Variants in HCRTR2 observed in about 807,000 individuals in gnomAD.
HCRTR2 encodes orexin receptor type 2.
Under a neutral mutation model 49.0 loss-of-function variants are expected in HCRTR2, and 22 were observed. That is an observed-to-expected ratio of 0.45 (90% CI 0.32 to 0.64). The LOEUF (loss-of-function observed/expected upper bound fraction) is 0.64. HCRTR2 is among the 30% of genes least tolerant of loss of function. HCRTR2 has a pLI of 0.04. For missense variants in HCRTR2, 491 were observed against 559.4 expected, an observed-to-expected ratio of 0.88 and a Z score of 1.23; for synonymous variants, 236 against 205.3, an observed-to-expected ratio of 1.15 and a Z score of -1.28.
chr6:55,245,469 TTATATATATATATA>T (rs745939954), intron 1 of HCRTR2, among the ~76,000 whole-genome samples: 2,043 of 56,794 alleles, frequency 0.036, 132 homozygotes, highest in African/African-American at 0.11. Context: ...TAGGAAGATT[TTATATATATATATA>T]TATATATATA....
intron 1 of HCRTR2, among the ~76,000 whole-genome samples, chr6:55,190,653 A>G (rs567542902): frequency 2.0e-5 from 3 of 152,242 alleles, no homozygotes; most frequent in Admixed American, 6.5e-5. Flanking sequence ...GTGATTATAC[A>G]TAAATTCTTT....
chr6:55,245,398 TACAC>T lies in HCRTR2; in HGVS notation c.224-3229_224-3226del, dbSNP rs549987888. Among the ~76,000 whole-genome samples the T allele has an allele frequency of 5.7e-5, 8 of 140,728 alleles. No individual in the cohort carries two copies. The East Asian group carries it at 1.5e-3, about 26-fold the overall frequency. The allele number at this position is 140,728 out of a possible 152,430, so 92.3% of individuals were successfully genotyped here. On this transcript the variant is annotated intron_variant, in intron 1 of 6. Transcript: ENST00000370862. ...ATATATATATATATGTATATATATA[TACAC>T]ACACACACACATAGGAATACATACA...
intron 1 of HCRTR2, among the ~76,000 whole-genome samples, chr6:55,121,381 T>C (rs578182910): frequency 5.3e-5 from 8 of 152,218 alleles, no homozygotes; most frequent in East Asian, 1.9e-4. Flanking sequence ...TGGGCTGAGA[T>C]GATGGGATTT....
chr6:55,245,468 T>A (rs1379359674), intron 1 of HCRTR2, among the ~76,000 whole-genome samples: 3 of 59,412 alleles, frequency 5.0e-5, no homozygotes, highest in African/African-American at 2.5e-4. Flanking sequence ...ATAGGAAGAT[T>A]TTATATATAT....
At chr6:55,142,850 G>A (rs1038698830) in intron 1 of HCRTR2, among the ~76,000 whole-genome samples, 23 of 23,812 alleles carry the variant, frequency 9.7e-4, no homozygotes, top group Non-Finnish European at 1.2e-3. Context: ...ATTAAAAGTG[G>A]TCAACAGAAA....
Position 55,139,624 on chromosome 6 carries a change from G to A in HCRTR2, c.-378+33079G>A, listed in dbSNP as rs74771516. Among the ~76,000 whole-genome samples, 391 of 152,254 alleles carry A rather than the reference G, an allele frequency of 2.6e-3. 2 individuals are homozygous for A. Among genetic ancestry groups the A allele is most frequent in the African/African-American group, 9.2e-3 (382 of 41,538 alleles). The stretch of plus-strand genomic sequence containing the variant: ...ATGCTCCCTTCCATATGCAATGGTG[G>A]CAAGATCAAAGGAGGTAATGTGTAA... On this transcript the variant is annotated intron_variant, in intron 1 of 7. Coordinates refer to the HCRTR2 transcript ENST00000615358.
At chr6:55,193,111 C>T (rs1389151675) in intron 1 of HCRTR2, among the ~76,000 whole-genome samples, 1 of 152,094 alleles carries the variant, frequency 6.6e-6, no homozygotes, top group East Asian at 1.9e-4. Context: ...TCATTCATTC[C>T]TTCATCAAAC....
chr6:55,227,328 T>A (rs942431132), intron 1 of HCRTR2, among the ~76,000 whole-genome samples: 1 of 152,216 alleles, frequency 6.6e-6, no homozygotes, highest in African/African-American at 2.4e-5. Flanking sequence ...AGTTTTAGAT[T>A]ATTTAAGTAG....
At chr6:55,113,543 T>C (rs1764078400) in intron 1 of HCRTR2, among the ~76,000 whole-genome samples, 1 of 152,056 alleles carries the variant, frequency 6.6e-6, no homozygotes, top group Admixed American at 6.6e-5. Context: ...TCAACATCAC[T>C]AATTATCAGG....
intron 4 of HCRTR2, among the ~76,000 whole-genome samples, chr6:55,274,313 A>T (rs563901196): frequency 1.4e-5 from 2 of 148,032 alleles, no homozygotes; most frequent in Admixed American, 6.8e-5. Flanking sequence ...TTATATATAT[A>T]TTTTATGAAA....
intron 1 of HCRTR2, among the ~76,000 whole-genome samples, chr6:55,231,781 T>C (rs1766119432): frequency 6.6e-6 from 1 of 152,232 alleles, no homozygotes; most frequent in South Asian, 2.1e-4. Context: ...GCCTTCCATT[T>C]AATAAATGCT....
At chr6:55,133,038 T>G (rs907819632) in intron 1 of HCRTR2, among the ~76,000 whole-genome samples, 23 of 151,844 alleles carry the variant, frequency 1.5e-4, no homozygotes, top group African/African-American at 5.6e-4. Flanking sequence ...GTAAGATCCC[T>G]GAAATGCTGA....
chr6:55,106,667 G>A (rs1250604076), intron 1 of HCRTR2: 1 of 152,012 alleles, frequency 6.6e-6, no homozygotes, highest in African/African-American at 2.4e-5. Context: ...ATTTATTAAA[G>A]ACAATTTATT....
intron 2 of HCRTR2, among the ~76,000 whole-genome samples, chr6:55,252,447 T>C (rs556933667): frequency 6.6e-6 from 1 of 152,254 alleles, no homozygotes; most frequent in Admixed American, 6.6e-5. Context: ...TACTTCTAAT[T>C]GCTAGAGAGG....
At chr6:55,137,553 T>C (rs1408860110) in intron 1 of HCRTR2, among the ~76,000 whole-genome samples, 2 of 152,222 alleles carry the variant, frequency 1.3e-5, no homozygotes, top group African/African-American at 2.4e-5. Context: ...CTGTGATTAT[T>C]AATCAGTATT....
At position 55,142,201 on chromosome 6, in the gene HCRTR2, A is replaced by AT. The variant is rs1004230733; in HGVS notation, c.-377-31997dup. Among the ~76,000 whole-genome samples the AT allele has an allele frequency of 5.9e-3, 857 of 146,166 alleles. 10 individuals carry two copies. Among genetic ancestry groups the AT allele is most frequent in the Middle Eastern group, 0.017 (5 of 286 alleles). On this transcript the variant is annotated intron_variant, in intron 1 of 7. Coordinates refer to the HCRTR2 transcript ENST00000615358. ...TTTTCAACTGACCATTTAAAAAAAA[A>AT]TTTTTTTTTTTTTGAGACGGAGTCT... is the stretch of plus-strand genomic sequence containing the variant.
At position 55,277,469 on chromosome 6, in the gene HCRTR2, C is replaced by G. The variant is rs768033944; in HGVS notation, c.852C>G (p.Ser284=). 4 of 1,613,976 alleles carry G rather than the reference C, an allele frequency of 2.5e-6. No individual in the cohort carries two copies. In the South Asian group the frequency reaches 3.3e-5, roughly 13 times the overall value. ...QPRGPGQPTK[S]RMSAVAAEIK... ...GAGGGCCAGGACAGCCAACGAAGTC[C>G]CGGATGAGCGCTGTGGCGGCTGAAA... Residue 284 remains serine, a synonymous_variant, in exon 5 of 7, where the codon TCC becomes TCG. Transcript: ENST00000370862.
chr6:55,190,500 C>A (rs909600053), intron 1 of HCRTR2, among the ~76,000 whole-genome samples: 1 of 152,126 alleles, frequency 6.6e-6, no homozygotes, highest in African/African-American at 2.4e-5. Context: ...GCCATTAGAA[C>A]ATGAAGGTAA....
chr6:55,138,325 A>T (rs1764459328), intron 1 of HCRTR2, among the ~76,000 whole-genome samples: 1 of 152,214 alleles, frequency 6.6e-6, no homozygotes, highest in Non-Finnish European at 1.5e-5. Context: ...CTAGCAAGTA[A>T]GATAAACTTC....
Sources: allele counts gnomAD v4.1 joint callset (sites outside exome capture counted in the v4.1 genomes callset), GRCh38; gene constraint gnomAD v4.1.1; transcripts MANE v1.5; gene names NCBI Gene and HGNC (gene_info 2026-07-23, HGNC 2026-07-21).